Variants in SRR observed in about 807,000 individuals in gnomAD.
SRR encodes D-serine ammonia-lyase.
Under a neutral mutation model 32.7 loss-of-function variants are expected in SRR, and 19 were observed. The observed-to-expected ratio is 0.58, with a 90% CI of 0.40 to 0.85. SRR has a LOEUF of 0.85. Among genes scored for constraint, SRR ranks in the 40% least tolerant of loss-of-function variants. The pLI, the probability that SRR is intolerant of heterozygous loss-of-function variation, is 0.00. For synonymous variants in SRR, 142 were observed against 140.9 expected, an observed-to-expected ratio of 1.01 and a Z score of -0.06; for missense variants, 373 against 404.7, an observed-to-expected ratio of 0.92 and a Z score of 0.67.
At chr17:2,323,508 CA>C in intron 7 of SRR, 146 bp from the exon 8 acceptor site, 3 of 1,143,936 alleles carry the variant, frequency 2.6e-6, no homozygotes, top group Middle Eastern at 3.0e-4. Flanking sequence ...TTGACAGAAG[CA>C]GAGTCAGAAT....
intron 3 of SRR, among the ~76,000 whole-genome samples, 177 bp downstream of exon 3, chr17:2,318,173 A>T (rs1014680535): frequency 2.0e-5 from 3 of 152,112 alleles, no homozygotes; most frequent in Admixed American, 6.6e-5. Flanking sequence ...TGAAGACAGA[A>T]TCTTGCTGTC....
intron 1 of SRR, chr17:2,307,365 T>G (rs2075398646): frequency 1.9e-6 from 2 of 1,076,674 alleles, no homozygotes; most frequent in Admixed American, 3.4e-5. Context: ...CTGGAAACTT[T>G]GGTGGTGGTC....
chr17:2,310,682 G>C (rs1024856482), intron 1 of SRR, among the ~76,000 whole-genome samples: 1 of 151,808 alleles, frequency 6.6e-6, no homozygotes, highest in Non-Finnish European at 1.5e-5. Flanking sequence ...AGGTTCAAGC[G>C]ATTTTTCTGC....
At chr17:2,322,744 C>T (rs1402902056) in intron 6 of SRR, 3 of 213,014 alleles carry the variant, frequency 1.4e-5, no homozygotes, top group African/African-American at 7.0e-5. Context: ...TCTTGATCTC[C>T]CTACCTCGTG....
At chr17:2,305,207 A>T (rs919641124) in intron 1 of SRR, among the ~76,000 whole-genome samples, 3 of 152,270 alleles carry the variant, frequency 2.0e-5, no homozygotes, top group Non-Finnish European at 4.4e-5. Context: ...CTTTGCCACC[A>T]GATTTGAGAG....
upstream of SRR, chr17:2,303,637 G>T: frequency 6.7e-7 from 1 of 1,483,590 alleles, no homozygotes. Context: ...ACTCACCTCT[G>T]CTCCCGGCCT....
chr17:2,320,822 A>G (rs2075522080), intron 4 of SRR, among the ~76,000 whole-genome samples: 1 of 152,314 alleles, frequency 6.6e-6, no homozygotes, highest in African/African-American at 2.4e-5. Context: ...TTGGCCTCCC[A>G]GAGTGCTGGG....
intron 1 of SRR, among the ~76,000 whole-genome samples, chr17:2,312,214 T>TAA (rs57198538): frequency 1.8e-3 from 217 of 119,572 alleles, no homozygotes; most frequent in African/African-American, 3.5e-3. Context: ...AGACCTTATC[T>TAA]AAAAAAAAAA....
At chr17:2,321,711 T>C (rs557693098) in intron 6 of SRR, 95 bp downstream of exon 6, 1 of 1,103,734 alleles carries the variant, frequency 9.1e-7, no homozygotes, top group Non-Finnish European at 1.4e-6. Context: ...CTGCACACAT[T>C]ACCATTCCTT....
intron 1 of SRR, among the ~76,000 whole-genome samples, chr17:2,313,424 C>G (rs1460592306): frequency 8.0e-6 from 1 of 124,968 alleles, no homozygotes; most frequent in African/African-American, 3.1e-5. Context: ...GCAAGACTCT[C>G]TCAAAAAAAA....
At chr17:2,303,471 G>C, upstream of SRR, 1 of 1,319,858 alleles carries the variant, frequency 7.6e-7, no homozygotes, top group Non-Finnish European at 9.6e-7. Context: ...ACTAACCCGC[G>C]AGAGAGGTAG....
rs775578177 is a variant in SRR at position 2,318,002 on chromosome 17, T to C, written c.295+6T>C. ...CTATGCTGCCAAATTGGAAGGTACT[T>C]GATTTCTCAAGGTACTGGGTAGATC... On this transcript the variant is annotated splice_donor_region_variant and intron_variant, in intron 3 of 7. Transcript: ENST00000344595. 13 of 1,611,398 alleles carry C rather than the reference T, an allele frequency of 8.1e-6. No homozygotes were observed. In the East Asian group the frequency reaches 2.2e-4, roughly 28 times the overall value.
Position 2,304,032 on chromosome 17 carries a change from G to A in SRR, c.-5+15G>A, listed in dbSNP as rs3744270. ...GGTGAGCTGAGGTGAGGCGAGGCCG[G>A]GCCGTGCCAGGCCAGGCGGGCGTTT... On this transcript the variant is annotated intron_variant, in intron 1 of 7. Transcript: ENST00000344595. 70,743 of 245,490 alleles carry A rather than the reference G, an allele frequency of 0.29. 12,277 individuals carry two copies. Among genetic ancestry groups the A allele is most frequent in the Admixed American group, 0.36 (6,325 of 17,424 alleles). The allele number at this position is 245,490 out of a possible 1,614,324, so 15.2% of individuals were successfully genotyped here.
At position 2,324,297 on chromosome 17, in the gene SRR, G is replaced by C. The variant is rs767241753; in HGVS notation, c.*424G>C. 1.3e-6 allele frequency: 2 copies of C among 1,561,188 alleles called. No individual in the cohort carries two copies. The highest frequency in any genetic ancestry group is 1.7e-6 in the Non-Finnish European group (2 of 1,158,502). ...TCATAAGTCCATTTGGGGAAGACTCGTTTATACAGGTTCATCAGTACTGTG... is the reference window on the plus strand; with the variant it reads ...TCATAAGTCCATTTGGGGAAGACTCCTTTATACAGGTTCATCAGTACTGTG... On this transcript the variant is annotated 3_prime_UTR_variant, in exon 8 of 8. Coordinates refer to ENST00000344595, the MANE Select transcript of SRR (RefSeq NM_021947.3).
Position 2,324,274 on chromosome 17 carries a change from A to AT in SRR, c.*402dup, listed in dbSNP as rs781077045. 8 of 1,554,252 alleles carry AT rather than the reference A, an allele frequency of 5.1e-6. No homozygotes were observed. The African/African-American group carries it at 6.9e-5, about 13-fold the overall frequency. ...GTACTGGTTCTGGTACATATGGATC[A>AT]TAAGTCCATTTGGGGAAGACTCGTT... On this transcript the variant is annotated 3_prime_UTR_variant, in exon 8 of 8. Transcript: ENST00000344595.
At position 2,323,682 on chromosome 17, in the gene SRR, A is replaced by G. The variant is rs778187514; in HGVS notation, c.832A>G (p.Met278Val). The G allele has an allele frequency of 6.2e-7, 1 of 1,614,166 alleles. No individual in the cohort carries two copies. The highest frequency in any genetic ancestry group is 8.5e-7 in the Non-Finnish European group (1 of 1,179,998). Reference sequence around the variant, plus strand: ...TGCAACCCAGCTGGTGTGGGAGAGGATGAAACTACTCATTGAACCTACAGC... The same window carrying G: ...TGCAACCCAGCTGGTGTGGGAGAGGGTGAAACTACTCATTGAACCTACAGC... ...KCATQLVWER[M>V]KLLIEPTAGV... The change falls in exon 8 of 8, where the codon ATG becomes GTG. Residue 278 changes from methionine (M) to valine (V), a missense_variant. Met to Val is a conservative substitution (Grantham distance 21, BLOSUM62 1). Coordinates refer to ENST00000344595, the MANE Select transcript of SRR (RefSeq NM_021947.3).
chr17:2,303,780 C>T (rs1342259914), upstream of SRR: 6 of 1,401,864 alleles, frequency 4.3e-6, no homozygotes, highest in African/African-American at 1.5e-5. Flanking sequence ...GCCAGGAAAC[C>T]ACCACAGACG....
chr17:2,325,035 T>A lies in SRR; in HGVS notation c.*1162T>A. The A allele has an allele frequency of 1.6e-6, 1 of 620,552 alleles. No homozygotes were observed. The highest frequency in any genetic ancestry group is 2.3e-5 in the South Asian group (1 of 44,180). The allele number at this position is 620,552 out of a possible 1,614,324, so 38.4% of individuals were successfully genotyped here. A position where few individuals can be genotyped will look rare whatever the true frequency, so the allele number is the denominator to read the frequency against. On this transcript the variant is annotated 3_prime_UTR_variant, in exon 8 of 8. Coordinates refer to ENST00000344595, the MANE Select transcript of SRR (RefSeq NM_021947.3). ...CTTGTACTTCAAGAGAAATGATGTA[T>A]AACAAAACCATACTTTTTCTCATCA...
upstream of SRR, chr17:2,303,549 G>A (rs2075338113): frequency 7.4e-6 from 10 of 1,344,868 alleles, no homozygotes; most frequent in Non-Finnish European, 7.6e-6. Context: ...CCGGAGCCGA[G>A]GGCCGAGCGG....
Sources: allele counts gnomAD v4.1 joint callset (sites outside exome capture counted in the v4.1 genomes callset), GRCh38; gene constraint gnomAD v4.1.1; transcripts MANE v1.5; gene names NCBI Gene and HGNC (gene_info 2026-07-23, HGNC 2026-07-21).